WDR43: variants seen among roughly 807,000 people sequenced by gnomAD.
The protein encoded by WDR43 is WD repeat-containing protein 43.
Under a neutral mutation model 91.4 loss-of-function variants are expected in WDR43, and 13 were observed. The observed-to-expected ratio is 0.14, with a 90% CI of 0.09 to 0.23. The LOEUF is 0.23. Ranked by LOEUF, WDR43 falls within the 10% of genes least tolerant of loss-of-function variation. The probability of loss-of-function intolerance (pLI) is 1.00; values close to 1 mark genes in which losing one functional copy is unlikely to be tolerated. For missense variants in WDR43, 780 were observed against 809.4 expected (o/e 0.96, Z 0.44); for synonymous variants, 331 against 287.9 (o/e 1.15, Z -1.51).
chr2:28,925,780 G>A (rs768927792), intron 8 of WDR43, among the ~76,000 whole-genome samples: 8 of 152,092 alleles, frequency 5.3e-5, no homozygotes, highest in African/African-American at 1.4e-4. Context: ...ACAAGCATAC[G>A]TGCATATGGT....
chr2:28,919,772 A>G (rs1443057238), intron 6 of WDR43, among the ~76,000 whole-genome samples: 1 of 152,226 alleles, frequency 6.6e-6, no homozygotes, highest in Non-Finnish European at 1.5e-5. Context: ...CACTATTCTG[A>G]TAATTGGATA....
At chr2:28,934,406 TATG>T (rs1008212335) in intron 11 of WDR43, among the ~76,000 whole-genome samples, 8 of 152,304 alleles carry the variant, frequency 5.3e-5, no homozygotes, top group African/African-American at 1.9e-4. Context: ...ACTTTAAATA[TATG>T]GTGTTTATTA....
At chr2:28,928,915 T>G (rs189702502) in intron 10 of WDR43, among the ~76,000 whole-genome samples, 1 of 152,252 alleles carries the variant, frequency 6.6e-6, no homozygotes, top group East Asian at 1.9e-4. Flanking sequence ...GCTCAAGTGA[T>G]CCGCCTGCCT....
At chr2:28,924,498 A>G (rs1671093090) in intron 7 of WDR43, among the ~76,000 whole-genome samples, 1 of 152,146 alleles carries the variant, frequency 6.6e-6, no homozygotes, top group African/African-American at 2.4e-5. Flanking sequence ...AACAGGTACA[A>G]GTTGGGAGTG....
intron 16 of WDR43, among the ~76,000 whole-genome samples, 162 bp downstream of exon 16, chr2:28,942,543 A>G (rs970480208): frequency 7.2e-5 from 11 of 152,172 alleles, no homozygotes; most frequent in Non-Finnish European, 1.6e-4. Flanking sequence ...AATTCATCAG[A>G]TAAGAAAAGA....
At position 28,941,598 on chromosome 2, in the gene WDR43, G is replaced by A. The variant is rs777987606; in HGVS notation, c.1734+24G>A. ...AAGTGAGTAAATCATATTGTTCTGG[G>A]CTAAAACTTTTGGACATGGTAGGAA... On this transcript the variant is annotated intron_variant, in intron 15 of 17. Transcript: ENST00000407426. 5 of 1,562,754 alleles carry A rather than the reference G, an allele frequency of 3.2e-6. No homozygotes were observed. The Admixed American group carries it at 5.3e-5, about 17-fold the overall frequency.
chr2:28,906,160 T>TA (rs963038843), intron 2 of WDR43, among the ~76,000 whole-genome samples: 2 of 151,932 alleles, frequency 1.3e-5, no homozygotes, highest in East Asian at 1.9e-4. Flanking sequence ...ATTTGTCAGT[T>TA]AAAAAAAAGA....
intron 1 of WDR43, 52 bp downstream of exon 1, chr2:28,894,975 G>A: frequency 2.8e-6 from 4 of 1,443,820 alleles, no homozygotes; most frequent in Non-Finnish European, 3.7e-6. Context: ...CTCGGCTTCG[G>A]GCCTCCGGGC....
At chr2:28,918,044 A>G in intron 6 of WDR43, 49 bp downstream of exon 6, 2 of 1,451,558 alleles carry the variant, frequency 1.4e-6, no homozygotes, top group Non-Finnish European at 1.9e-6. Flanking sequence ...CACAGATGTT[A>G]TTTTTACAGT....
intron 14 of WDR43, among the ~76,000 whole-genome samples, chr2:28,941,151 T>C (rs1235596456): frequency 6.6e-6 from 1 of 152,226 alleles, no homozygotes; most frequent in East Asian, 1.9e-4. Flanking sequence ...CTGTCTACTT[T>C]ATATGGGATA....
At chr2:28,917,866 A>G (rs759517081) in intron 5 of WDR43, 27 bp from the exon 6 acceptor site, 47 of 1,550,994 alleles carry the variant, frequency 3.0e-5, no homozygotes, top group Middle Eastern at 1.7e-4. Context: ...CTGTCTTGCT[A>G]TCTAACTTGC....
Position 28,894,835 on chromosome 2 carries a change from A to G in WDR43, c.137A>G (p.Asn46Ser), listed in dbSNP as rs1170147818. ...GHLRVWETANNRLHQEYVPSA... is the reference protein window; with the variant it reads ...GHLRVWETANSRLHQEYVPSA... The stretch of plus-strand genomic sequence containing the variant: ...TTACGAGTATGGGAGACGGCCAACA[A>G]CCGGCTGCACCAGGAGTACGTGCCT... The change falls in exon 1 of 18, where the codon AAC becomes AGC. Residue 46 changes from asparagine (N) to serine (S), a missense_variant. Physicochemically the swap from Asn to Ser is conservative, Grantham distance 46. Around this residue, in one of 4 missense-constraint regions of WDR43, gnomAD observed 175 missense variants for 113.8 expected, o/e 1.54. Coordinates refer to ENST00000407426, the MANE Select transcript of WDR43 (RefSeq NM_015131.3). The G allele has an allele frequency of 1.2e-6, 2 of 1,611,134 alleles. No homozygotes were observed. The highest frequency in any genetic ancestry group is 2.7e-5 in the African/African-American group (2 of 74,902).
intron 14 of WDR43, among the ~76,000 whole-genome samples, chr2:28,939,992 A>G (rs1040988855): frequency 7.3e-5 from 11 of 151,604 alleles, no homozygotes; most frequent in Non-Finnish European, 1.2e-4. Context: ...CTGTAGTCCC[A>G]GCTACTCGGG....
At chr2:28,929,765 T>C in intron 11 of WDR43, 55 bp downstream of exon 11, 3 of 1,547,388 alleles carry the variant, frequency 1.9e-6, no homozygotes, top group Non-Finnish European at 2.7e-6. Context: ...TCTTAGAAAA[T>C]GATTGACATA....
At chr2:28,899,055 C>G (rs1397661463) in intron 1 of WDR43, among the ~76,000 whole-genome samples, 1 of 152,184 alleles carries the variant, frequency 6.6e-6, no homozygotes, top group Non-Finnish European at 1.5e-5. Flanking sequence ...TTTCAGTATT[C>G]GTTGCTTAAC....
chr2:28,935,518 C>T lies in WDR43; in HGVS notation c.1438-3C>T. ...TCTTAATAATCCTTTTATTTTCTCA[C>T]AGAAAGTACTTCAAACTAGGAATGT... On this transcript the variant is annotated splice_polypyrimidine_tract_variant and splice_region_variant and intron_variant, in intron 11 of 17. Coordinates refer to ENST00000407426, the MANE Select transcript of WDR43 (RefSeq NM_015131.3). 6.4e-7 allele frequency: 1 copy of T among 1,573,410 alleles called. No homozygotes were observed. The highest frequency in any genetic ancestry group is 1.8e-5 in the Admixed American group (1 of 54,430).
chr2:28,929,892 C>T (rs574890550), intron 11 of WDR43, among the ~76,000 whole-genome samples, 182 bp downstream of exon 11: 7 of 152,120 alleles, frequency 4.6e-5, no homozygotes, highest in African/African-American at 9.6e-5. Flanking sequence ...CAACCTACAA[C>T]GGGATTGCAT....
At chr2:28,945,215 A>C (rs1671523554) in intron 16 of WDR43, among the ~76,000 whole-genome samples, 1 of 152,166 alleles carries the variant, frequency 6.6e-6, no homozygotes, top group East Asian at 1.9e-4. Context: ...AGTAGATAGA[A>C]GAAGAATGTT....
intron 11 of WDR43, among the ~76,000 whole-genome samples, chr2:28,932,656 AAAG>A (rs917839411): frequency 3.9e-5 from 6 of 152,200 alleles, no homozygotes; most frequent in Admixed American, 3.9e-4. Context: ...AATAGGAACA[AAAG>A]AAGAATGTGA....
Sources: allele counts gnomAD v4.1 joint callset (sites outside exome capture counted in the v4.1 genomes callset), GRCh38; gene constraint gnomAD v4.1.1; regional missense constraint gnomAD v4.1.1; transcripts MANE v1.5; gene names NCBI Gene and HGNC (gene_info 2026-07-23, HGNC 2026-07-21).